PDE7B: variants seen among roughly 807,000 people sequenced by gnomAD.
PDE7B encodes the protein 3',5'-cyclic-AMP phosphodiesterase 7B.
A neutral mutation model predicts 56.2 loss-of-function variants in PDE7B; 29 were observed. The observed-to-expected ratio is 0.52, with a 90% CI of 0.38 to 0.70. The LOEUF is 0.70. Ranked by LOEUF, PDE7B falls within the 30% of genes least tolerant of loss-of-function variation. PDE7B has a pLI of 0.00. For synonymous variants in PDE7B, 197 were observed against 196.9 expected, an observed-to-expected ratio of 1.00 and a Z score of 0.00; for missense variants, 490 against 565.0, an observed-to-expected ratio of 0.87 and a Z score of 1.35.
At chr6:136,134,420 G>A (rs981573688) in intron 3 of PDE7B, among the ~76,000 whole-genome samples, 1 of 152,020 alleles carries the variant, frequency 6.6e-6, no homozygotes, top group Non-Finnish European at 1.5e-5. Flanking sequence ...ACCACAAACC[G>A]TTGCCCTCAA....
chr6:136,019,484 A>G (rs1776034090), intron 2 of PDE7B, among the ~76,000 whole-genome samples: 1 of 152,210 alleles, frequency 6.6e-6, no homozygotes, highest in Non-Finnish European at 1.5e-5. Context: ...TACACAAAAC[A>G]GGCACTACCA....
chr6:135,968,459 A>G (rs1316920931), intron 2 of PDE7B, among the ~76,000 whole-genome samples: 1 of 152,086 alleles, frequency 6.6e-6, no homozygotes, highest in Non-Finnish European at 1.5e-5. Context: ...AATTTGCAAG[A>G]AAAAAAATTA....
intron 12 of PDE7B, among the ~76,000 whole-genome samples, chr6:136,188,264 AT>A (rs3837020): frequency 0.18 from 27,205 of 148,616 alleles, 6,818 homozygotes; most frequent in African/African-American, 0.56. Context: ...ATTATTGAGC[AT>A]TTTTTTTTTT....
At chr6:136,074,117 GGGTAAAAGAATTACCTGA>G (rs1777092200) in intron 2 of PDE7B, among the ~76,000 whole-genome samples, 2 of 151,916 alleles carry the variant, frequency 1.3e-5, no homozygotes, top group African/African-American at 2.4e-5. Flanking sequence ...CCAGCTACTT[GGGTAAAAGAATTACCTGA>G]GGTAAAAGAA....
At position 136,158,805 on chromosome 6, in the gene PDE7B, G is replaced by A. The variant is rs147301404; in HGVS notation, c.711+3047G>A. Among the ~76,000 whole-genome samples the A allele has an allele frequency of 8.7e-3, 1,326 of 152,336 alleles. 8 individuals are homozygous for A. The highest frequency in any genetic ancestry group is 0.034 in the Middle Eastern group (10 of 294). ...GGTGGACTGGGAGGAAAAACAGCAT[G>A]TGAGAAATAGAACCAAGAATTTACT... On this transcript the variant is annotated intron_variant, in intron 8 of 12. Coordinates refer to ENST00000308191, the MANE Select transcript of PDE7B (RefSeq NM_018945.4).
intron 3 of PDE7B, among the ~76,000 whole-genome samples, chr6:136,126,927 C>T (rs963114515): frequency 7.2e-5 from 11 of 152,270 alleles, no homozygotes; most frequent in African/African-American, 2.6e-4. Flanking sequence ...CAAATACCAC[C>T]TGTTCCCCAA....
intron 2 of PDE7B, chr6:136,070,298 A>T (rs1777025384): frequency 6.6e-6 from 1 of 152,192 alleles, no homozygotes; most frequent in Admixed American, 6.5e-5. Context: ...CAGGAGAGGA[A>T]ATCCAATATA....
At position 136,173,880 on chromosome 6, in the gene PDE7B, G is replaced by C. The variant is rs764093951; in HGVS notation, c.795G>C (p.Lys265Asn). The change falls in exon 9 of 13, where the codon AAG becomes AAC. Residue 265 changes from lysine to asparagine, a missense_variant. Lys to Asn is a moderately conservative substitution (Grantham distance 94). Transcript: ENST00000308191. ...CAAGGCTTCTTGCTCATTTGCCAAA[G>C]GAAATGACGTAAGTGCTGCCGAGAT... is the stretch of plus-strand genomic sequence containing the variant. ...RESRLLAHLPKEMTQDIEQQL... is the reference protein window; with the variant it reads ...RESRLLAHLPNEMTQDIEQQL... The C allele has an allele frequency of 6.2e-7, 1 of 1,609,548 alleles. No homozygotes were observed. The highest frequency in any genetic ancestry group is 8.5e-7 in the Non-Finnish European group (1 of 1,176,020).
intron 2 of PDE7B, among the ~76,000 whole-genome samples, chr6:136,065,954 G>A (rs1183334638): frequency 1.3e-5 from 2 of 152,124 alleles, no homozygotes; most frequent in African/African-American, 2.4e-5. Flanking sequence ...CTAACTGGTG[G>A]TTTACAACAA....
intron 2 of PDE7B, chr6:136,037,329 T>C: frequency 9.6e-6 from 7 of 728,486 alleles, no homozygotes; most frequent in Non-Finnish European, 1.2e-5. Context: ...CGGAGTTAAC[T>C]GTGGAATGTG....
At chr6:135,879,900 C>A (rs1038549525) in intron 1 of PDE7B, among the ~76,000 whole-genome samples, 2 of 152,114 alleles carry the variant, frequency 1.3e-5, no homozygotes, top group African/African-American at 4.8e-5. Context: ...ACAAAGAACT[C>A]TTAGACATTG....
intron 2 of PDE7B, among the ~76,000 whole-genome samples, chr6:136,058,902 G>A (rs530819898): frequency 4.6e-5 from 7 of 152,202 alleles, no homozygotes; most frequent in African/African-American, 1.2e-4. Context: ...TTTATATAAC[G>A]AATAGTTTAA....
intron 2 of PDE7B, among the ~76,000 whole-genome samples, chr6:135,961,255 A>ATGTGTGTGTG (rs961322926): frequency 2.5e-4 from 37 of 146,180 alleles, no homozygotes; most frequent in African/African-American, 9.1e-4. Flanking sequence ...TAGAGTGTAT[A>ATGTGTGTGTG]TGTGTGTGTG....
intron 2 of PDE7B, among the ~76,000 whole-genome samples, chr6:136,091,452 C>T (rs1777383160): frequency 6.6e-6 from 1 of 152,254 alleles, no homozygotes; most frequent in Admixed American, 6.5e-5. Context: ...TAAGTCGCTG[C>T]ATGTCAGACC....
At chr6:135,963,881 G>A (rs184115372) in intron 2 of PDE7B, among the ~76,000 whole-genome samples, 31 of 152,100 alleles carry the variant, frequency 2.0e-4, no homozygotes, top group Middle Eastern at 6.8e-3. Flanking sequence ...AAAAGAAATG[G>A]GGGAAAAAGC....
At chr6:136,037,575 G>T (rs969072334) in intron 2 of PDE7B, 1 of 985,470 alleles carries the variant, frequency 1.0e-6, no homozygotes. Flanking sequence ...CCAGAGAGAA[G>T]CAGCTGCAGA....
chr6:136,033,561 T>TA (rs1471767212), intron 2 of PDE7B, among the ~76,000 whole-genome samples: 3 of 152,116 alleles, frequency 2.0e-5, no homozygotes, highest in Non-Finnish European at 4.4e-5. Flanking sequence ...AATGATTGGG[T>TA]ATGGTTTAGA....
intron 2 of PDE7B, among the ~76,000 whole-genome samples, chr6:136,025,878 G>C (rs1206825752): frequency 6.6e-6 from 1 of 152,132 alleles, no homozygotes; most frequent in Non-Finnish European, 1.5e-5. Context: ...AACATTTAAA[G>C]CTCTTTTTTT....
chr6:136,030,508 A>AT (rs1776229912), intron 2 of PDE7B, among the ~76,000 whole-genome samples: 1 of 152,190 alleles, frequency 6.6e-6, no homozygotes, highest in Admixed American at 6.5e-5. Flanking sequence ...ACATTGCTGT[A>AT]GATTTCTCTG....
Sources: allele counts gnomAD v4.1 joint callset (sites outside exome capture counted in the v4.1 genomes callset), GRCh38; gene constraint gnomAD v4.1.1; transcripts MANE v1.5; gene names NCBI Gene and HGNC (gene_info 2026-07-23, HGNC 2026-07-21).